Variants in CEP120 observed in about 807,000 individuals in gnomAD.
CEP120 encodes the protein centrosomal protein of 120 kDa.
Under a neutral mutation model 126.5 loss-of-function variants are expected in CEP120, and 113 were observed. The observed-to-expected ratio is 0.89, with a 90% CI of 0.77 to 1.04. CEP120 has a LOEUF of 1.04. Ranked by LOEUF, CEP120 falls within the 50% of genes least tolerant of loss-of-function variation. The pLI is 0.00. For missense variants in CEP120, 1,230 were observed against 1,155.7 expected (o/e 1.06, Z -0.93); for synonymous variants, 400 against 394.3 (o/e 1.01, Z -0.17).
chr5:123,351,344 G>A (rs1769186107), intron 18 of CEP120, among the ~76,000 whole-genome samples: 1 of 152,128 alleles, frequency 6.6e-6, no homozygotes, highest in Non-Finnish European at 1.5e-5. Context: ...ATTGTTCTCT[G>A]TAGTTAATCA....
At chr5:123,395,518 C>T (rs1211257782) in intron 5 of CEP120, among the ~76,000 whole-genome samples, 2 of 152,086 alleles carry the variant, frequency 1.3e-5, no homozygotes, top group African/African-American at 2.4e-5. Flanking sequence ...CTCTCCTGCC[C>T]CCAGTCCCTG....
At chr5:123,372,793 C>A in intron 16 of CEP120, 21 bp from the exon 17 acceptor site, 2 of 1,566,896 alleles carry the variant, frequency 1.3e-6, no homozygotes, top group Non-Finnish European at 1.7e-6. Flanking sequence ...AAAAGTTTAG[C>A]CATTTCAAAA....
intron 5 of CEP120, among the ~76,000 whole-genome samples, chr5:123,397,558 A>C (rs1772868730): frequency 6.6e-6 from 1 of 152,232 alleles, no homozygotes; most frequent in Non-Finnish European, 1.5e-5. Flanking sequence ...TAAAGGCAAA[A>C]GTATGTATGT....
chr5:123,346,424 A>C lies in CEP120; in HGVS notation c.*95T>G. The C allele has an allele frequency of 1.1e-6, 1 of 919,894 alleles. No homozygotes were observed. The highest frequency in any genetic ancestry group is 1.6e-6 in the Non-Finnish European group (1 of 621,926). 57.0% of individuals were successfully genotyped at this position (919,894 alleles called of 1,614,324 possible). ...ATTTTGCTTATAAAAAATTGAAAAT[A>C]CCATTTTAAAACATCCATTTTCCTC... is the stretch of plus-strand genomic sequence containing the variant. On this transcript the variant is annotated 3_prime_UTR_variant, in exon 20 of 20. Transcript: ENST00000306467.
chr5:123,345,472 A>G lies in CEP120; in HGVS notation c.*1047T>C, dbSNP rs964998722. 2.6e-5 allele frequency: 4 copies of G among 152,160 alleles called. No homozygotes were observed. The highest frequency in any genetic ancestry group is 5.9e-5 in the Non-Finnish European group (4 of 68,038). 9.4% of individuals were successfully genotyped at this position (152,160 alleles called of 1,614,324 possible). A position where few individuals can be genotyped will look rare whatever the true frequency, so the allele number is the denominator to read the frequency against. On this transcript the variant is annotated 3_prime_UTR_variant, in exon 20 of 20. Transcript: ENST00000306467. ...ACTTTTTAAAGTACATATATTTTGA[A>G]ATTCAACCTAATCTGTGACTTTGCT...
intron 16 of CEP120, 69 bp downstream of exon 16, chr5:123,377,305 G>A: frequency 6.9e-7 from 1 of 1,438,864 alleles, no homozygotes; most frequent in Non-Finnish European, 9.5e-7. Flanking sequence ...AGTAGTTAGT[G>A]AACTATTTCT....
chr5:123,408,520 T>C (rs1159942346), intron 4 of CEP120, among the ~76,000 whole-genome samples: 1 of 152,164 alleles, frequency 6.6e-6, no homozygotes, highest in African/African-American at 2.4e-5. Context: ...ATAATCTAGA[T>C]GAAATAGACC....
At chr5:123,372,531 ATTC>A in intron 17 of CEP120, 116 bp downstream of exon 17, 1 of 1,035,130 alleles carries the variant, frequency 9.7e-7, no homozygotes, top group South Asian at 1.4e-5. Context: ...TCTCTAATGC[ATTC>A]TTATTTGACA....
intron 5 of CEP120, among the ~76,000 whole-genome samples, chr5:123,398,413 G>A (rs746609340): frequency 6.6e-6 from 1 of 152,134 alleles, no homozygotes; most frequent in African/African-American, 2.4e-5. Context: ...ATTTCCCAGG[G>A]TTGTTTAAGC....
At chr5:123,348,838 G>C (rs893378983) in intron 19 of CEP120, among the ~76,000 whole-genome samples, 3 of 152,136 alleles carry the variant, frequency 2.0e-5, no homozygotes, top group African/African-American at 7.2e-5. Context: ...CCTAAGAAGA[G>C]ACACCAGAGA....
chr5:123,354,693 T>C (rs138787599), intron 18 of CEP120, among the ~76,000 whole-genome samples: 146 of 152,202 alleles, frequency 9.6e-4, no homozygotes, highest in African/African-American at 3.2e-3. Context: ...TTGCCTAATA[T>C]TAAGTATCGC....
At chr5:123,395,783 G>A (rs1284522827) in intron 5 of CEP120, among the ~76,000 whole-genome samples, 4 of 149,362 alleles carry the variant, frequency 2.7e-5, no homozygotes, top group Admixed American at 2.0e-4. Context: ...CTGGGTTCAC[G>A]CCATTCTCCT....
At position 123,346,459 on chromosome 5, in the gene CEP120, G is replaced by T. The variant is rs1768820761; in HGVS notation, c.*60C>A. The T allele has an allele frequency of 1.6e-6, 2 of 1,269,626 alleles. No individual in the cohort carries two copies. Among genetic ancestry groups the T allele is most frequent in the Non-Finnish European group, 2.2e-6 (2 of 910,850 alleles). 78.6% of individuals were successfully genotyped at this position (1,269,626 alleles called of 1,614,324 possible). Reference sequence around the variant, plus strand: ...AACATCCATTTTCCTCACTTTTGAGGTTTTTACAAAGAAATTAAAATTTAG... The same window carrying T: ...AACATCCATTTTCCTCACTTTTGAGTTTTTTACAAAGAAATTAAAATTTAG... On this transcript the variant is annotated 3_prime_UTR_variant, in exon 20 of 20. Coordinates refer to ENST00000306467, the MANE Select transcript of CEP120 (RefSeq NM_001375405.1).
At chr5:123,411,979 T>C (rs1273314658) in intron 4 of CEP120, among the ~76,000 whole-genome samples, 1 of 152,200 alleles carries the variant, frequency 6.6e-6, no homozygotes, top group African/African-American at 2.4e-5. Flanking sequence ...CATTTCTCTC[T>C]GCTCAATTTT....
At chr5:123,372,158 C>T (rs1001007871) in intron 17 of CEP120, among the ~76,000 whole-genome samples, 1 of 152,046 alleles carries the variant, frequency 6.6e-6, no homozygotes, top group Non-Finnish European at 1.5e-5. Flanking sequence ...ATGAATACTC[C>T]TATCTAGGAC....
intron 16 of CEP120, 59 bp downstream of exon 16, chr5:123,377,315 T>C (rs971767080): frequency 1.3e-6 from 2 of 1,509,084 alleles, no homozygotes; most frequent in African/African-American, 1.4e-5. Flanking sequence ...GAACTATTTC[T>C]CTTATTACTA....
In CEP120 at chr5:123,423,391, G is replaced by A. The variant is rs1213650156; in HGVS notation, c.-393C>T. The A allele has an allele frequency of 2.6e-5, 7 of 271,416 alleles. No individual in the cohort carries two copies. The highest frequency in any genetic ancestry group is 1.4e-4 in the African/African-American group (6 of 43,394). The allele number at this position is 271,416 out of a possible 1,614,324, so 16.8% of individuals were successfully genotyped here. A position where few individuals can be genotyped will look rare whatever the true frequency, so the allele number is the denominator to read the frequency against. On this transcript the variant is annotated 5_prime_UTR_variant, in exon 1 of 20. Transcript: ENST00000306467. ...CCCGCAGGCCCAGTGCCCAGGGGAG[G>A]TTGGAGGACAACGGGTGATAGAGAC... is the stretch of plus-strand genomic sequence containing the variant.
At chr5:123,416,404 T>TA (rs905714524) in intron 2 of CEP120, among the ~76,000 whole-genome samples, 30 of 149,996 alleles carry the variant, frequency 2.0e-4, no homozygotes, top group South Asian at 1.3e-3. Context: ...CTACTAAAAT[T>TA]AAAAAAAACA....
At chr5:123,402,451 G>T in intron 4 of CEP120, 2 of 853,988 alleles carry the variant, frequency 2.3e-6, no homozygotes, top group Non-Finnish European at 3.3e-6. Context: ...ACAGAGTCTT[G>T]CTCTGTCACC....
Sources: allele counts gnomAD v4.1 joint callset (sites outside exome capture counted in the v4.1 genomes callset), GRCh38; gene constraint gnomAD v4.1.1; transcripts MANE v1.5; gene names NCBI Gene and HGNC (gene_info 2026-07-23, HGNC 2026-07-21).